The following PPIL2 variants were observed in gnomAD, a reference collection of about 807,000 sequenced individuals.
PPIL2 encodes the protein RING-type E3 ubiquitin-protein ligase PPIL2.
PPIL2 carries 50 observed loss-of-function variants against 75.2 expected under a neutral mutation model. The ratio of observed to expected loss-of-function variants is 0.66; its 90% CI spans 0.53 to 0.84. The LOEUF (loss-of-function observed/expected upper bound fraction) is 0.84. Among genes scored for constraint, PPIL2 ranks in the 40% least tolerant of loss-of-function variants. The pLI is 0.00. For missense variants in PPIL2, 590 were observed against 685.0 expected (o/e 0.86, Z 1.55); for synonymous variants, 245 against 258.8 (o/e 0.95, Z 0.51).
rs1028090391 is a variant in PPIL2, at chr22:21,696,361, C to CAAGT, written c.*872_*875dup. The CAAGT allele has an allele frequency of 1.8e-6, 2 of 1,142,170 alleles. No homozygotes were observed. The highest frequency in any genetic ancestry group is 3.3e-5 in the African/African-American group (2 of 61,516). The allele number at this position is 1,142,170 out of a possible 1,614,324, so 70.8% of individuals were successfully genotyped here. On this transcript the variant is annotated 3_prime_UTR_variant, in exon 20 of 20. Coordinates refer to ENST00000398831, the MANE Select transcript of PPIL2 (RefSeq NM_014337.4). ...AGGCCAGTGTCTCCTGCTGTGAGAA[C>CAAGT]AAGTGGATGTCCCTCTCCCCGCCCT...
At chr22:21,678,088 G>A (rs951337456) in intron 6 of PPIL2, among the ~76,000 whole-genome samples, 1 of 152,216 alleles carries the variant, frequency 6.6e-6, no homozygotes, top group African/African-American at 2.4e-5. Flanking sequence ...TCAGGGGTGG[G>A]GATGGTGTGC....
chr22:21,691,906 C>A (rs2067657143), intron 15 of PPIL2, among the ~76,000 whole-genome samples: 1 of 152,106 alleles, frequency 6.6e-6, no homozygotes, highest in Non-Finnish European at 1.5e-5. Flanking sequence ...ACTTGGTGGG[C>A]TCAGGAGCGT....
At chr22:21,686,669 C>T in intron 11 of PPIL2, 111 bp downstream of exon 11, 1 of 1,186,962 alleles carries the variant, frequency 8.4e-7, no homozygotes, top group South Asian at 1.3e-5. Context: ...CCACTGTCAC[C>T]TGAGCCCCTA....
At chr22:21,666,424 A>T (rs1255456125) in intron 1 of PPIL2, among the ~76,000 whole-genome samples, 3 of 152,084 alleles carry the variant, frequency 2.0e-5, no homozygotes, top group Non-Finnish European at 4.4e-5. Flanking sequence ...TTCGCCCTTG[A>T]ATGAGTAGTC....
chr22:21,666,200 G>C, intron 1 of PPIL2, 69 bp downstream of exon 1: 4 of 1,517,998 alleles, frequency 2.6e-6, no homozygotes, highest in Non-Finnish European at 3.6e-6. Flanking sequence ...CGCACTGCGC[G>C]CCGCTCGCCT....
chr22:21,690,382 G>GGA (rs1569041778), intron 15 of PPIL2, among the ~76,000 whole-genome samples: 1 of 143,488 alleles, frequency 7.0e-6, no homozygotes, highest in Non-Finnish European at 1.5e-5. Flanking sequence ...ACCCTGTCTG[G>GGA]AAAAAAAAAA....
chr22:21,678,223 G>C (rs530567933), intron 6 of PPIL2, among the ~76,000 whole-genome samples: 43 of 152,240 alleles, frequency 2.8e-4, no homozygotes, highest in African/African-American at 8.2e-4. Context: ...CTGGCAGTCA[G>C]CTTCTTTTGT....
In PPIL2 at chr22:21,696,792, T is replaced by A. The variant is rs1569052043; in HGVS notation, c.*1302T>A. The A allele has an allele frequency of 6.5e-7, 1 of 1,549,534 alleles. No homozygotes were observed. Among genetic ancestry groups the A allele is most frequent in the Non-Finnish European group, 8.7e-7 (1 of 1,147,482 alleles). On this transcript the variant is annotated 3_prime_UTR_variant, in exon 20 of 20. Transcript: ENST00000398831. ...TGCCCTTCCTTTTCTCATCAATCAC[T>A]GATGCTGAAGCTGCAGGCCTGAGCC... is the stretch of plus-strand genomic sequence containing the variant.
Position 21,697,055 on chromosome 22 carries a change from CT to C in PPIL2, c.*1566del. 2 of 1,484,102 alleles carry C rather than the reference CT, an allele frequency of 1.3e-6. No homozygotes were observed. The highest frequency in any genetic ancestry group is 1.8e-6 in the Non-Finnish European group (2 of 1,100,498). The allele number at this position is 1,484,102 out of a possible 1,614,324, so 91.9% of individuals were successfully genotyped here. A position where few individuals can be genotyped will look rare whatever the true frequency, so the allele number is the denominator to read the frequency against. Reference sequence around the variant, plus strand: ...CTGTCTGTGACCATTGGTCGGGCCCCTGGGCTCTAGAGTGACTTTTGACGCC... The same window carrying C: ...CTGTCTGTGACCATTGGTCGGGCCCCGGGCTCTAGAGTGACTTTTGACGCC... On this transcript the variant is annotated 3_prime_UTR_variant, in exon 20 of 20. Transcript: ENST00000398831.
At chr22:21,689,742 A>C (rs767692016) in intron 15 of PPIL2, among the ~76,000 whole-genome samples, 1 of 152,190 alleles carries the variant, frequency 6.6e-6, no homozygotes, top group East Asian at 1.9e-4. Flanking sequence ...GCTCCACAGA[A>C]ATCGCTGTTT....
At chr22:21,681,541 C>A in intron 7 of PPIL2, 151 bp downstream of exon 7, 1 of 700,880 alleles carries the variant, frequency 1.4e-6, no homozygotes, top group Non-Finnish European at 2.4e-6. Flanking sequence ...TAGCAAAGCT[C>A]TGGCAGTGCA....
At position 21,682,589 on chromosome 22, in the gene PPIL2, A is replaced by G. The variant is rs930927375; in HGVS notation, c.477+63A>G. 5 of 1,201,762 alleles carry G rather than the reference A, an allele frequency of 4.2e-6. No individual in the cohort carries two copies. In the African/African-American group the frequency reaches 7.7e-5, roughly 18 times the overall value. The allele number at this position is 1,201,762 out of a possible 1,614,324, so 74.4% of individuals were successfully genotyped here. Reference sequence around the variant, plus strand: ...GCACCTGCAGCCAGCCCAGGCCTCTACAGGGCCCTACCCCCACGTCAGGGC... The same window carrying G: ...GCACCTGCAGCCAGCCCAGGCCTCTGCAGGGCCCTACCCCCACGTCAGGGC... On this transcript the variant is annotated intron_variant, in intron 8 of 19. Coordinates refer to ENST00000398831, the MANE Select transcript of PPIL2 (RefSeq NM_014337.4).
chr22:21,671,858 C>T (rs1275253178), intron 4 of PPIL2, among the ~76,000 whole-genome samples: 1 of 152,036 alleles, frequency 6.6e-6, no homozygotes, highest in Non-Finnish European at 1.5e-5. Flanking sequence ...TGAGACCAGC[C>T]TGGGCAACAT....
At chr22:21,687,777 C>T in intron 13 of PPIL2, 45 bp downstream of exon 13, 1 of 1,568,028 alleles carries the variant, frequency 6.4e-7, no homozygotes, top group Non-Finnish European at 8.8e-7. Flanking sequence ...CTTGGTGGGA[C>T]ATCGGGGGCT....
At chr22:21,692,195 C>T (rs1039417244) in intron 15 of PPIL2, among the ~76,000 whole-genome samples, 1 of 151,688 alleles carries the variant, frequency 6.6e-6, no homozygotes, top group South Asian at 2.1e-4. Flanking sequence ...TCGCTCCGTC[C>T]CCCAGGCTGG....
chr22:21,696,999 C>T lies in PPIL2; in HGVS notation c.*1509C>T. On this transcript the variant is annotated 3_prime_UTR_variant, in exon 20 of 20. Transcript: ENST00000398831. ...TGCGCCATGGCTGGCTCCTTCTCTT[C>T]TCCAGCCCATCCCTCTGCAGCCTGT... is the stretch of plus-strand genomic sequence containing the variant. 15 of 1,547,466 alleles carry T rather than the reference C, an allele frequency of 9.7e-6. No individual in the cohort carries two copies. Among genetic ancestry groups the T allele is most frequent in the East Asian group, 2.4e-5 (1 of 41,102 alleles).
intron 2 of PPIL2, 91 bp downstream of exon 2, chr22:21,670,053 A>G: frequency 7.6e-7 from 1 of 1,321,316 alleles, no homozygotes; most frequent in South Asian, 1.2e-5. Flanking sequence ...AATAGACAAC[A>G]AGAACACGGA....
chr22:21,678,614 C>G (rs1367234496), intron 6 of PPIL2, among the ~76,000 whole-genome samples: 1 of 152,214 alleles, frequency 6.6e-6, no homozygotes, highest in Non-Finnish European at 1.5e-5. Context: ...ATCATCAACT[C>G]CAGCCCCTGC....
intron 15 of PPIL2, among the ~76,000 whole-genome samples, chr22:21,692,388 TTG>T (rs1569044943): frequency 6.6e-6 from 1 of 151,394 alleles, no homozygotes. Flanking sequence ...TCTCCTGACC[TTG>T]TGATCCGCCC....
Sources: gnomAD v4.1 joint callset for allele counts (sites outside exome capture counted in the v4.1 genomes callset) on GRCh38, gnomAD v4.1.1 for gene constraint, MANE v1.5 for transcripts, NCBI Gene and HGNC (gene_info 2026-07-23, HGNC 2026-07-21) for gene names.